CA5B: variants seen among roughly 807,000 people sequenced by gnomAD.
CA5B encodes carbonic anhydrase 5B, mitochondrial.
CA5B carries 15 observed loss-of-function variants against 23.1 expected under a neutral mutation model. The ratio of observed to expected loss-of-function variants is 0.65; its 90% CI spans 0.43 to 1.00. The LOEUF (loss-of-function observed/expected upper bound fraction) is 1.00, where lower values mean the gene tolerates loss of function less well. Among genes scored for constraint, CA5B ranks in the 50% least tolerant of loss-of-function variants. The pLI is 0.00. For missense variants in CA5B, 236 were observed against 252.2 expected (o/e 0.94, Z 0.43); for synonymous variants, 84 against 98.5 (o/e 0.85, Z 0.87).
At chrX:15,740,995 G>A (rs1931108082) in intron 1 of CA5B, among the ~76,000 whole-genome samples, 1 of 111,408 alleles carries the variant, frequency 9.0e-6, no homozygotes, top group Non-Finnish European at 1.9e-5. Context: ...GTGGGAGGCG[G>A]AGGGTACAGT....
At chrX:15,744,479 A>G (rs1931185540) in intron 1 of CA5B, among the ~76,000 whole-genome samples, 1 of 112,236 alleles carries the variant, frequency 8.9e-6, no homozygotes, top group African/African-American at 3.2e-5. Flanking sequence ...CAGAGCCCAC[A>G]CATCCTTTCT....
intron 7 of CA5B, among the ~76,000 whole-genome samples, chrX:15,779,569 G>A (rs145072997): frequency 3.2e-4 from 36 of 111,934 alleles, no homozygotes; most frequent in African/African-American, 1.2e-3. Flanking sequence ...TCAGTAGGCA[G>A]GAAAGATAGA....
chrX:15,786,784 C>A lies in CA5B; in HGVS notation c.*4120C>A, dbSNP rs1187683941. ...CAACAATGGGAAGAAGCAGCCGATCCTCCTCAGTGCACCTTTTTCTGTTGC... is the reference window on the plus strand; with the variant it reads ...CAACAATGGGAAGAAGCAGCCGATCATCCTCAGTGCACCTTTTTCTGTTGC... On this transcript the variant is annotated 3_prime_UTR_variant, in exon 8 of 8. Coordinates refer to ENST00000318636, the MANE Select transcript of CA5B (RefSeq NM_007220.4). 2.7e-5 allele frequency: 3 copies of A among 111,682 alleles called. No homozygotes were observed. Among genetic ancestry groups the A allele is most frequent in the African/African-American group, 9.8e-5 (3 of 30,665 alleles). 9.2% of individuals were successfully genotyped at this position (111,682 alleles called of 1,213,427 possible).
intron 2 of CA5B, among the ~76,000 whole-genome samples, chrX:15,758,482 C>T (rs888484551): frequency 2.7e-5 from 3 of 111,392 alleles, no homozygotes; most frequent in Non-Finnish European, 5.7e-5. Flanking sequence ...TCAGCGTGTA[C>T]ATTTTTGGGT....
At position 15,759,734 on chromosome X, in the gene CA5B, C is replaced by CTTTTTTTTTTTTTT. The variant is rs56915078; in HGVS notation, c.143-4825_143-4812dup. On this transcript the variant is annotated intron_variant, in intron 2 of 7. Transcript: ENST00000318636. ...CCCATCAGCTAGAAATTACTGACAC[C>CTTTTTTTTTTTTTT]TTTTTTTTTTTTTTTTTTTTTTTTT... Among the ~76,000 whole-genome samples the CTTTTTTTTTTTTTT allele has an allele frequency of 1.9e-4, 7 of 37,396 alleles. 1 individual carries two copies. The highest frequency in any genetic ancestry group is 7.9e-4 in the African/African-American group (6 of 7,617). The allele number at this position is 37,396 out of a possible 115,157, so 32.5% of individuals were successfully genotyped here. A position where few individuals can be genotyped will look rare whatever the true frequency, so the allele number is the denominator to read the frequency against.
chrX:15,754,810 G>A (rs1054970399), intron 2 of CA5B, among the ~76,000 whole-genome samples: 6 of 112,214 alleles, frequency 5.3e-5, no homozygotes, highest in East Asian at 2.8e-4. Flanking sequence ...GATGATCTCC[G>A]TACTTGTAGA....
chrX:15,749,030 C>G (rs1490793829), intron 1 of CA5B, among the ~76,000 whole-genome samples: 1 of 112,429 alleles, frequency 8.9e-6, no homozygotes, highest in Non-Finnish European at 1.9e-5. Flanking sequence ...CATGGCCTTG[C>G]AGCCACACCA....
intron 2 of CA5B, among the ~76,000 whole-genome samples, chrX:15,753,456 G>A (rs1242305688): frequency 8.9e-6 from 1 of 112,232 alleles, no homozygotes; most frequent in Non-Finnish European, 1.9e-5. Context: ...GCTTCAGAGA[G>A]ATTAGATGGT....
At chrX:15,751,702 G>A (rs1931358266) in intron 2 of CA5B, among the ~76,000 whole-genome samples, 1 of 110,689 alleles carries the variant, frequency 9.0e-6, no homozygotes, top group Non-Finnish European at 1.9e-5. Context: ...ACATGTTCTT[G>A]TTTCTAAGTT....
chrX:15,744,321 A>G (rs1192300403), intron 1 of CA5B, among the ~76,000 whole-genome samples: 1 of 112,563 alleles, frequency 8.9e-6, no homozygotes, highest in African/African-American at 3.2e-5. Flanking sequence ...TGCCATGCTA[A>G]CAGGCCTCAG....
At position 15,772,615 on chromosome X, in the gene CA5B, G is replaced by T. The variant is rs755161378; in HGVS notation, c.459+1G>T. The T allele has an allele frequency of 4.0e-5, 45 of 1,126,011 alleles. No individual in the cohort carries two copies. Among genetic ancestry groups the T allele is most frequent in the Non-Finnish European group, 4.9e-6 (4 of 822,074 alleles). 92.8% of individuals were successfully genotyped at this position (1,126,011 alleles called of 1,213,427 possible). A position where few individuals can be genotyped will look rare whatever the true frequency, so the allele number is the denominator to read the frequency against. On this transcript the variant is annotated splice_donor_variant, in intron 4 of 7. Transcript: ENST00000318636. LOFTEE classifies it high-confidence loss of function. Reference sequence around the variant, plus strand: ...GGACAGCAAATGCTTCCCAGCAGAGGTATGTTGAGAAGGTCAGGAACAGTG... The same window carrying T: ...GGACAGCAAATGCTTCCCAGCAGAGTTATGTTGAGAAGGTCAGGAACAGTG...
intron 7 of CA5B, among the ~76,000 whole-genome samples, chrX:15,780,586 A>G (rs1932004960): frequency 8.9e-6 from 1 of 112,012 alleles, no homozygotes; most frequent in Admixed American, 9.5e-5. Flanking sequence ...GGAACATTTT[A>G]TAGATAATGA....
intron 2 of CA5B, among the ~76,000 whole-genome samples, chrX:15,752,730 A>T (rs751222979): frequency 9.0e-6 from 1 of 111,238 alleles, no homozygotes; most frequent in South Asian, 3.8e-4. Context: ...GTCTCAAAAA[A>T]AAAAAAAATC....
At chrX:15,778,894 G>T (rs148926946) in intron 7 of CA5B, among the ~76,000 whole-genome samples, 2 of 110,782 alleles carry the variant, frequency 1.8e-5, no homozygotes, top group Non-Finnish European at 3.8e-5. Flanking sequence ...ACAATTCGAC[G>T]TGAGATTTGG....
intron 1 of CA5B, 82 bp from the exon 2 acceptor site, chrX:15,749,889 A>T (rs1332215185): frequency 1.3e-5 from 10 of 751,003 alleles, no homozygotes; most frequent in Non-Finnish European, 1.9e-5. Context: ...GCTAGTCTGA[A>T]TATTGTCCTG....
chrX:15,741,551 C>A (rs754451224), intron 1 of CA5B, among the ~76,000 whole-genome samples: 1 of 109,973 alleles, frequency 9.1e-6, no homozygotes, highest in Non-Finnish European at 1.9e-5. Flanking sequence ...ACGATCTCAG[C>A]TCACTGCAAC....
intron 2 of CA5B, among the ~76,000 whole-genome samples, chrX:15,756,588 A>G (rs1289764379): frequency 8.9e-6 from 1 of 112,490 alleles, no homozygotes; most frequent in Non-Finnish European, 1.9e-5. Flanking sequence ...AGTGTTAAGG[A>G]AAAGGAAGGG....
At position 15,751,507 on chromosome X, in the gene CA5B, A is replaced by G. The variant is rs899981140; in HGVS notation, c.142+1342A>G. Among the ~76,000 whole-genome samples, 3 of 109,311 alleles carry G rather than the reference A, an allele frequency of 2.7e-5. No homozygotes were observed. The Admixed American group carries it at 2.9e-4, about 11-fold the overall frequency. The allele number at this position is 109,311 out of a possible 115,157, so 94.9% of individuals were successfully genotyped here. A position where few individuals can be genotyped will look rare whatever the true frequency, so the allele number is the denominator to read the frequency against. ...TCTGAACACTGGCACTTTGTGGTCT[A>G]TGGTTTATATTGGAAAGTATTAATA... On this transcript the variant is annotated intron_variant, in intron 2 of 7. Coordinates refer to ENST00000318636, the MANE Select transcript of CA5B (RefSeq NM_007220.4).
intron 7 of CA5B, 58 bp downstream of exon 7, chrX:15,776,927 G>A: frequency 9.6e-7 from 1 of 1,037,496 alleles, no homozygotes; most frequent in Non-Finnish European, 1.3e-6. Flanking sequence ...TGTAAAACAA[G>A]GCTGGGCTCA....
Sources: gnomAD v4.1 joint callset for allele counts (sites outside exome capture counted in the v4.1 genomes callset) on GRCh38, gnomAD v4.1.1 for gene constraint, MANE v1.5 for transcripts, NCBI Gene and HGNC (gene_info 2026-07-23, HGNC 2026-07-21) for gene names.